FLRT1: variants seen among roughly 807,000 people sequenced by gnomAD.
The protein encoded by FLRT1 is leucine-rich repeat transmembrane protein FLRT1.
In FLRT1, 14 loss-of-function variants were observed where a neutral mutation model predicts 30.9. The observed-to-expected ratio is 0.45, with a 90% CI of 0.30 to 0.71. The LOEUF (loss-of-function observed/expected upper bound fraction) is 0.71. Ranked by LOEUF, FLRT1 falls within the 30% of genes least tolerant of loss-of-function variation. The probability of loss-of-function intolerance (pLI) is 0.08; values close to 1 mark genes in which losing one functional copy is unlikely to be tolerated. For missense variants in FLRT1, 737 were observed against 949.2 expected (o/e 0.78, Z 2.94); for synonymous variants, 368 against 430.4 (o/e 0.85, Z 1.80).
intron 1 of FLRT1, among the ~76,000 whole-genome samples, chr11:64,078,420 G>A (rs1030146096): frequency 6.6e-6 from 1 of 152,244 alleles, no homozygotes; most frequent in Non-Finnish European, 1.5e-5. Flanking sequence ...AAATGCAGCT[G>A]CACCGAAACA....
At chr11:64,076,989 G>A (rs549234509) in intron 1 of FLRT1, among the ~76,000 whole-genome samples, 12 of 152,232 alleles carry the variant, frequency 7.9e-5, no homozygotes, top group Non-Finnish European at 1.3e-4. Context: ...GCTGAGTGAC[G>A]GATGGGAGCT....
At chr11:64,047,884 T>G (rs1590836215) in intron 1 of FLRT1, among the ~76,000 whole-genome samples, 7 of 119,058 alleles carry the variant, frequency 5.9e-5, no homozygotes, top group African/African-American at 1.3e-4. Context: ...GTGACAAGAG[T>G]GAAACTCCGT....
intron 1 of FLRT1, among the ~76,000 whole-genome samples, chr11:64,054,703 A>G (rs547541806): frequency 6.6e-6 from 1 of 151,944 alleles, no homozygotes; most frequent in Non-Finnish European, 1.5e-5. Context: ...ATTCCCCTCT[A>G]TCTTGCTCCC....
intron 1 of FLRT1, among the ~76,000 whole-genome samples, chr11:64,077,240 C>T (rs1944218679): frequency 6.6e-6 from 1 of 152,176 alleles, no homozygotes; most frequent in African/African-American, 2.4e-5. Flanking sequence ...CCACAGGGAC[C>T]CAGTGATTCA....
chr11:64,086,700 G>A (rs1468410318), intron 1 of FLRT1, among the ~76,000 whole-genome samples: 1 of 152,154 alleles, frequency 6.6e-6, no homozygotes, highest in Non-Finnish European at 1.5e-5. Flanking sequence ...ACAGAGAGGG[G>A]GAGAAGGGCA....
At chr11:64,051,248 G>A (rs1016045253) in intron 1 of FLRT1, among the ~76,000 whole-genome samples, 5 of 152,240 alleles carry the variant, frequency 3.3e-5, no homozygotes, top group African/African-American at 4.8e-5. Context: ...CTTACCCCAC[G>A]TAGGTGCCCA....
intron 1 of FLRT1, among the ~76,000 whole-genome samples, chr11:64,039,781 T>G (rs961519596): frequency 6.6e-6 from 1 of 152,106 alleles, no homozygotes; most frequent in Non-Finnish European, 1.5e-5. Flanking sequence ...GATGTCAGGG[T>G]TTGGGGGCCT....
chr11:64,044,753 G>A (rs1400012910), intron 1 of FLRT1, among the ~76,000 whole-genome samples: 2 of 152,100 alleles, frequency 1.3e-5, no homozygotes, highest in Non-Finnish European at 2.9e-5. Context: ...CTGAGCTTTG[G>A]TATCTGTCAT....
intron 1 of FLRT1, among the ~76,000 whole-genome samples, chr11:64,076,011 G>C (rs1423578667): frequency 6.6e-6 from 1 of 152,170 alleles, no homozygotes; most frequent in African/African-American, 2.4e-5. Flanking sequence ...CCTCAGGCTG[G>C]GGTGAAGGAA....
Position 64,116,783 on chromosome 11 carries a change from C to T in FLRT1, c.516C>T (p.Ala172=). Residue 172 remains alanine (A), a synonymous_variant, in exon 3 of 3, where the codon GCC becomes GCT. Coordinates refer to ENST00000682287, the MANE Select transcript of FLRT1 (RefSeq NM_013280.5). ...SVSTVSIEED[A]FADSKQLKLL... ...CCACCGTCAGCATTGAGGAGGACGC[C>T]TTCGCCGACAGCAAACAGCTCAAGC... The T allele has an allele frequency of 1.2e-6, 2 of 1,613,630 alleles. No individual in the cohort carries two copies. The highest frequency in any genetic ancestry group is 1.1e-5 in the South Asian group (1 of 91,086).
At chr11:64,106,887 TTTA>T (rs1944771680) in intron 2 of FLRT1, among the ~76,000 whole-genome samples, 1 of 152,070 alleles carries the variant, frequency 6.6e-6, no homozygotes, top group Non-Finnish European at 1.5e-5. Flanking sequence ...TTTATTTTAT[TTTA>T]TTTTTTTTTG....
chr11:64,039,621 C>G (rs1294240415), intron 1 of FLRT1, among the ~76,000 whole-genome samples: 1 of 152,228 alleles, frequency 6.6e-6, no homozygotes, highest in Non-Finnish European at 1.5e-5. Context: ...TCCCCCCGGA[C>G]AGCCTGCCTG....
intron 1 of FLRT1, among the ~76,000 whole-genome samples, chr11:64,092,142 G>A (rs1455309709): frequency 1.3e-5 from 2 of 152,218 alleles, no homozygotes; most frequent in African/African-American, 4.8e-5. Context: ...TGTTAGGGTC[G>A]CCGTGGCATC....
At chr11:64,049,830 G>A (rs1205619886) in intron 1 of FLRT1, among the ~76,000 whole-genome samples, 1 of 152,174 alleles carries the variant, frequency 6.6e-6, no homozygotes. Flanking sequence ...CTGCTTGCTA[G>A]GGCTGGGGCC....
chr11:64,075,954 G>A (rs1302606007), intron 1 of FLRT1, among the ~76,000 whole-genome samples: 2 of 152,222 alleles, frequency 1.3e-5, no homozygotes, highest in African/African-American at 2.4e-5. Context: ...GATTGCAGGC[G>A]TGGGCCACTG....
intron 1 of FLRT1, among the ~76,000 whole-genome samples, chr11:64,061,897 TAGAGACGG>T (rs1287511889): frequency 0.016 from 1,845 of 115,814 alleles, 54 homozygotes; most frequent in African/African-American, 0.07. Context: ...TTTTTTTTTG[TAGAGACGG>T]AGTCTTGCTA....
intron 1 of FLRT1, among the ~76,000 whole-genome samples, chr11:64,076,529 G>C (rs1314559458): frequency 1.3e-5 from 2 of 152,112 alleles, no homozygotes; most frequent in Non-Finnish European, 2.9e-5. Context: ...CTGGCACTGG[G>C]GTCTGGAGAC....
chr11:64,081,429 G>A (rs929173212), intron 1 of FLRT1, among the ~76,000 whole-genome samples: 13 of 152,212 alleles, frequency 8.5e-5, no homozygotes, highest in African/African-American at 3.1e-4. Flanking sequence ...CCTGGGACCT[G>A]TCCCAGCTGT....
intron 1 of FLRT1, among the ~76,000 whole-genome samples, chr11:64,074,517 G>GA (rs1944166968): frequency 1.3e-5 from 2 of 152,344 alleles, no homozygotes; most frequent in Admixed American, 6.5e-5. Flanking sequence ...TTCAGTTTCT[G>GA]GCCTAAGGTC....
Sources: allele counts gnomAD v4.1 joint callset (sites outside exome capture counted in the v4.1 genomes callset), GRCh38; gene constraint gnomAD v4.1.1; transcripts MANE v1.5; gene names NCBI Gene and HGNC (gene_info 2026-07-23, HGNC 2026-07-21).